The following GRID2 variants were observed in gnomAD, a reference collection of about 807,000 sequenced individuals.
GRID2 encodes the protein glutamate receptor ionotropic, delta-2.
GRID2 carries 33 observed loss-of-function variants against 114.8 expected under a neutral mutation model. The observed-to-expected ratio is 0.29, with a 90% CI of 0.22 to 0.38. GRID2 has a LOEUF of 0.38. Ranked by LOEUF, GRID2 falls within the 10% of genes least tolerant of loss-of-function variation. The probability of loss-of-function intolerance (pLI) is 1.00; values close to 1 mark genes in which losing one functional copy is unlikely to be tolerated. For synonymous variants in GRID2, 505 were observed against 449.9 expected, an observed-to-expected ratio of 1.12 and a Z score of -1.55; for missense variants, 1,184 against 1,257.7, an observed-to-expected ratio of 0.94 and a Z score of 0.89.
intron 2 of GRID2, among the ~76,000 whole-genome samples, chr4:92,852,834 C>T (rs1743923079): frequency 6.6e-6 from 1 of 151,936 alleles, no homozygotes; most frequent in Non-Finnish European, 1.5e-5. Flanking sequence ...AACTTTCATT[C>T]TCCCATGTTA....
intron 7 of GRID2, among the ~76,000 whole-genome samples, chr4:93,235,348 T>C (rs954661016): frequency 2.0e-5 from 3 of 152,160 alleles, no homozygotes; most frequent in African/African-American, 7.2e-5. Flanking sequence ...CAATGTCCCA[T>C]TAGCTTATAT....
intron 1 of GRID2, among the ~76,000 whole-genome samples, chr4:92,369,316 A>G (rs543871118): frequency 5.4e-4 from 82 of 152,236 alleles, no homozygotes; most frequent in African/African-American, 1.9e-3. Context: ...ACTTTAATAA[A>G]GTGTTAGTCT....
intron 13 of GRID2, among the ~76,000 whole-genome samples, chr4:93,522,648 T>A (rs1364327357): frequency 6.6e-6 from 1 of 151,938 alleles, no homozygotes; most frequent in Non-Finnish European, 1.5e-5. Flanking sequence ...GAATTGAGGA[T>A]ATGAAAAGGG....
chr4:92,899,488 A>G (rs1747408066), intron 2 of GRID2, among the ~76,000 whole-genome samples: 1 of 152,172 alleles, frequency 6.6e-6, no homozygotes, highest in African/African-American at 2.4e-5. Context: ...ATAACCTAGG[A>G]TAAACCCTGT....
intron 1 of GRID2, among the ~76,000 whole-genome samples, chr4:93,785,771 C>G (rs1734579106): frequency 6.6e-6 from 1 of 152,014 alleles, no homozygotes; most frequent in African/African-American, 2.4e-5. Flanking sequence ...GAGAGGCAGA[C>G]CAGTCAGAAA....
intron 8 of GRID2, among the ~76,000 whole-genome samples, chr4:93,334,594 A>G (rs974221698): frequency 6.6e-6 from 1 of 152,232 alleles, no homozygotes; most frequent in Non-Finnish European, 1.5e-5. Flanking sequence ...ATGTAATAGC[A>G]TTGGGTTTAA....
At position 92,956,587 on chromosome 4, in the gene GRID2, T is replaced by C. The variant is rs552276009; in HGVS notation, c.245-128408T>C. ...TCTCCAACATCTGTTTCTTCCAAGT[T>C]TTGGCAATTATAAATAAAGCTACTA... is the stretch of plus-strand genomic sequence containing the variant. On this transcript the variant is annotated intron_variant, in intron 2 of 15. Coordinates refer to ENST00000282020, the MANE Select transcript of GRID2 (RefSeq NM_001510.4). 1.5e-4 allele frequency among the ~76,000 whole-genome samples: 23 copies of C among 152,326 alleles called. No homozygotes were observed. In the East Asian group the frequency reaches 2.1e-3, roughly 14 times the overall value.
At chr4:92,740,057 C>T (rs1308919297) in intron 2 of GRID2, among the ~76,000 whole-genome samples, 1 of 152,154 alleles carries the variant, frequency 6.6e-6, no homozygotes, top group Non-Finnish European at 1.5e-5. Context: ...CATCTTCTTT[C>T]AACTCAGTTT....
Position 93,216,890 on chromosome 4 carries a change from T to A in GRID2, c.942T>A (p.Asp314Glu). The A allele has an allele frequency of 6.2e-7, 1 of 1,612,522 alleles. No individual in the cohort carries two copies. The highest frequency in any genetic ancestry group is 8.5e-7 in the Non-Finnish European group (1 of 1,178,698). ...RISSTLCDPK[D>E]PFAQNMEISN... Reference sequence around the variant, plus strand: ...CTTCAACATTGTGTGATCCAAAGGATCCATTTGCTCAGAATATGGAGGTAT... The same window carrying A: ...CTTCAACATTGTGTGATCCAAAGGAACCATTTGCTCAGAATATGGAGGTAT... The change falls in exon 6 of 16, where the codon GAT becomes GAA. Residue 314 changes from aspartate to glutamate, a missense_variant. By Grantham distance (45) the Asp-to-Glu change is conservative. Transcript: ENST00000282020.
chr4:92,377,715 C>T (rs1348970915), intron 1 of GRID2, among the ~76,000 whole-genome samples: 3 of 152,088 alleles, frequency 2.0e-5, no homozygotes, highest in African/African-American at 7.2e-5. Flanking sequence ...CAAGGAGGAG[C>T]AAGTCGTGTC....
intron 2 of GRID2, among the ~76,000 whole-genome samples, chr4:92,815,960 C>CAA (rs147588022): frequency 6.2e-5 from 8 of 128,680 alleles, no homozygotes; most frequent in Non-Finnish European, 1.2e-4. Flanking sequence ...AACAAAAAGC[C>CAA]AAAAAAAAAC....
chr4:93,017,276 A>G (rs984351295), intron 2 of GRID2, among the ~76,000 whole-genome samples: 3 of 152,188 alleles, frequency 2.0e-5, no homozygotes, highest in South Asian at 2.1e-4. Context: ...TTTTTTTCCT[A>G]TAAGAAAATA....
intron 8 of GRID2, among the ~76,000 whole-genome samples, chr4:93,315,793 G>C (rs1256684569): frequency 6.6e-6 from 1 of 152,134 alleles, no homozygotes; most frequent in Non-Finnish European, 1.5e-5. Flanking sequence ...AAAAAGAATT[G>C]ATTTATTATA....
chr4:92,665,064 T>C (rs1732705608), intron 2 of GRID2, among the ~76,000 whole-genome samples: 1 of 150,878 alleles, frequency 6.6e-6, no homozygotes, highest in South Asian at 2.1e-4. Flanking sequence ...TTCTGTCATT[T>C]TGCCATTTTT....
chr4:93,482,242 G>A (rs888034711), intron 11 of GRID2, among the ~76,000 whole-genome samples: 1 of 151,874 alleles, frequency 6.6e-6, no homozygotes, highest in Non-Finnish European at 1.5e-5. Context: ...TACACATATG[G>A]TTATCGCAGC....
At chr4:93,291,752 T>C (rs1354633011) in intron 8 of GRID2, among the ~76,000 whole-genome samples, 1 of 152,198 alleles carries the variant, frequency 6.6e-6, no homozygotes, top group Non-Finnish European at 1.5e-5. Flanking sequence ...TAAATTTGTT[T>C]ATGTGTGTGC....
At chr4:93,042,722 TAG>T (rs890167388) in intron 2 of GRID2, among the ~76,000 whole-genome samples, 8 of 146,072 alleles carry the variant, frequency 5.5e-5, no homozygotes, top group Non-Finnish European at 9.0e-5. Flanking sequence ...TATAGATATA[TAG>T]AGAGAGAGAT....
intron 4 of GRID2, among the ~76,000 whole-genome samples, chr4:93,174,315 C>T (rs907498016): frequency 6.6e-6 from 1 of 152,236 alleles, no homozygotes; most frequent in South Asian, 2.1e-4. Flanking sequence ...AATTTACTTT[C>T]GATCTCCATA....
intron 10 of GRID2, among the ~76,000 whole-genome samples, chr4:93,444,321 G>A (rs1721894649): frequency 6.6e-6 from 1 of 151,998 alleles, no homozygotes; most frequent in African/African-American, 2.4e-5. Flanking sequence ...CAGCATGTGA[G>A]TAGACTTGGA....
Sources: gnomAD v4.1 joint callset for allele counts (sites outside exome capture counted in the v4.1 genomes callset) on GRCh38, gnomAD v4.1.1 for gene constraint, MANE v1.5 for transcripts, NCBI Gene and HGNC (gene_info 2026-07-23, HGNC 2026-07-21) for gene names.